IL31RA: variants seen among roughly 807,000 people sequenced by gnomAD.
The protein encoded by IL31RA is interleukin 31 receptor A.
A neutral mutation model predicts 83.7 loss-of-function variants in IL31RA; 66 were observed. That is an observed-to-expected ratio of 0.79 (90% CI 0.65 to 0.97). The LOEUF (loss-of-function observed/expected upper bound fraction) is 0.97. IL31RA is among the 50% of genes least tolerant of loss of function. The pLI is 0.00. For synonymous variants in IL31RA, 325 were observed against 329.0 expected (o/e 0.99, Z 0.13); for missense variants, 798 against 919.4 (o/e 0.87, Z 1.71).
intron 11 of IL31RA, 145 bp downstream of exon 11, chr5:55,908,556 A>G: frequency 1.3e-6 from 2 of 1,568,318 alleles, no homozygotes; most frequent in Non-Finnish European, 1.7e-6. Flanking sequence ...CTCTCTGAAA[A>G]TGGGGCCAAG....
upstream of IL31RA, among the ~76,000 whole-genome samples, chr5:55,847,600 A>C (rs372281267): frequency 1.3e-5 from 2 of 152,200 alleles, no homozygotes; most frequent in East Asian, 1.9e-4. Flanking sequence ...AAAAGTTGCA[A>C]AGATAATGCA....
intron 13 of IL31RA, 54 bp from the exon 14 acceptor site, chr5:55,914,793 G>T (rs574368910): frequency 8.0e-7 from 1 of 1,254,034 alleles, no homozygotes; most frequent in South Asian, 1.2e-5. Flanking sequence ...TCAGCCATAT[G>T]GTGCTAATGC....
At chr5:55,899,363 A>G (rs1351711695) in intron 7 of IL31RA, among the ~76,000 whole-genome samples, 1 of 152,178 alleles carries the variant, frequency 6.6e-6, no homozygotes, top group African/African-American at 2.4e-5. Context: ...TCAGGATTCC[A>G]CCTTAAACTT....
chr5:55,872,056 C>T (rs1204757428), intron 3 of IL31RA, among the ~76,000 whole-genome samples: 1 of 151,936 alleles, frequency 6.6e-6, no homozygotes, highest in Non-Finnish European at 1.5e-5. Flanking sequence ...TTTCATGGCT[C>T]CTAAAGCATC....
Position 55,868,966 on chromosome 5 carries a change from A to G in IL31RA, c.272+58A>G, listed in dbSNP as rs963228756. 3.8e-5 allele frequency: 36 copies of G among 949,876 alleles called. No homozygotes were observed. In the African/African-American group the frequency reaches 5.0e-4, roughly 13 times the overall value. 58.8% of individuals were successfully genotyped at this position (949,876 alleles called of 1,614,324 possible). A position where few individuals can be genotyped will look rare whatever the true frequency, so the allele number is the denominator to read the frequency against. ...GGCATGGGGGAGGCAGAGGCTTCTG[A>G]TTCATTCATGATTCACATCCCATAT... On this transcript the variant is annotated intron_variant, in intron 3 of 14. Coordinates refer to ENST00000652347, the MANE Select transcript of IL31RA (RefSeq NM_139017.7).
chr5:55,920,432 A>T lies in IL31RA; in HGVS notation c.*3312A>T, dbSNP rs1176036428. Reference sequence around the variant, plus strand: ...TATTTAATGGTTGAAAACAAAAAGAATAACATTTTGTGACAAGAAAAGTCC... The same window carrying T: ...TATTTAATGGTTGAAAACAAAAAGATTAACATTTTGTGACAAGAAAAGTCC... On this transcript the variant is annotated 3_prime_UTR_variant, in exon 15 of 15. Transcript: ENST00000652347. 6.6e-6 allele frequency among the ~76,000 whole-genome samples: 1 copy of T among 152,252 alleles called. No individual in the cohort carries two copies. The highest frequency in any genetic ancestry group is 2.4e-5 in the African/African-American group (1 of 41,470).
intron 2 of IL31RA, among the ~76,000 whole-genome samples, chr5:55,865,316 A>ATGCG (rs1404286317): frequency 6.6e-6 from 1 of 152,132 alleles, no homozygotes; most frequent in Non-Finnish European, 1.5e-5. Flanking sequence ...TGCTTGTTGG[A>ATGCG]TGCGTGCTGT....
chr5:55,882,272 T>C (rs963765474), intron 4 of IL31RA, among the ~76,000 whole-genome samples: 2 of 152,196 alleles, frequency 1.3e-5, no homozygotes, highest in Admixed American at 1.3e-4. Context: ...GTCAAAAAAT[T>C]ATGTTCATTC....
rs753294783 is a variant in IL31RA at position 55,851,542 on chromosome 5, A to G, written c.-29A>G. The G allele has an allele frequency of 6.2e-7, 1 of 1,614,060 alleles. No homozygotes were observed. The highest frequency in any genetic ancestry group is 1.1e-5 in the South Asian group (1 of 91,084). ...TATGAAAATTGAGACAGGAAGGCAG[A>G]GTGTCAGCTTGTTCCACCTCAGCTG... On this transcript the variant is annotated 5_prime_UTR_variant, in exon 1 of 15. Transcript: ENST00000652347.
intron 4 of IL31RA, among the ~76,000 whole-genome samples, chr5:55,875,194 C>T (rs1470863068): frequency 1.3e-5 from 2 of 152,064 alleles, no homozygotes; most frequent in African/African-American, 2.4e-5. Context: ...GTTAAACAAA[C>T]CTTGTATTTC....
chr5:55,893,247 C>A lies in IL31RA; in HGVS notation c.773-3103C>A, dbSNP rs371067920. 3.6e-4 allele frequency among the ~76,000 whole-genome samples: 55 copies of A among 152,332 alleles called. No individual in the cohort carries two copies. The South Asian group carries it at 0.011, about 30-fold the overall frequency. On this transcript the variant is annotated intron_variant, in intron 6 of 14. Transcript: ENST00000652347. Reference sequence around the variant, plus strand: ...ATGATATTGAATACCTGCTTAATTTCTCTGTGCTTCAGAAATGATGATTAG... The same window carrying A: ...ATGATATTGAATACCTGCTTAATTTATCTGTGCTTCAGAAATGATGATTAG...
chr5:55,906,007 G>A, intron 8 of IL31RA, 99 bp from the exon 9 acceptor site: 4 of 1,235,646 alleles, frequency 3.2e-6, no homozygotes, highest in Non-Finnish European at 4.8e-6. Flanking sequence ...CTGAACTTTG[G>A]CCTTGTTTTA....
chr5:55,905,042 A>G (rs893759989), intron 8 of IL31RA, among the ~76,000 whole-genome samples: 3 of 151,402 alleles, frequency 2.0e-5, no homozygotes, highest in African/African-American at 7.3e-5. Flanking sequence ...TCTACTAAAA[A>G]TACAAAAAAT....
chr5:55,866,347 A>C (rs1746043366), intron 2 of IL31RA, among the ~76,000 whole-genome samples: 1 of 152,048 alleles, frequency 6.6e-6, no homozygotes, highest in Non-Finnish European at 1.5e-5. Flanking sequence ...CATGGAAGAC[A>C]ATTTTTCCAT....
intron 7 of IL31RA, among the ~76,000 whole-genome samples, chr5:55,897,163 T>C (rs1748455133): frequency 6.9e-6 from 1 of 145,124 alleles, no homozygotes; most frequent in African/African-American, 2.6e-5. Context: ...TTCTTTATAC[T>C]GTTTAAAAGC....
At position 55,882,298 on chromosome 5, in the gene IL31RA, A is replaced by T. The variant is rs566826226; in HGVS notation, c.455-746A>T. ...ATGTTCATTCATAAAGTAGAATATT[A>T]TGAACCTTAAAAATCATGTTTTGAA... On this transcript the variant is annotated intron_variant, in intron 4 of 14. Transcript: ENST00000652347. 3.9e-5 allele frequency among the ~76,000 whole-genome samples: 6 copies of T among 152,370 alleles called. No individual in the cohort carries two copies. The East Asian group carries it at 9.6e-4, about 24-fold the overall frequency.
chr5:55,883,018 G>C, intron 4 of IL31RA, 26 bp from the exon 5 acceptor site: 1 of 1,611,182 alleles, frequency 6.2e-7, no homozygotes, highest in Non-Finnish European at 8.5e-7. Flanking sequence ...TTGCAGATAT[G>C]AGAGTTGTAT....
At chr5:55,858,515 G>A (rs1233263981) in intron 1 of IL31RA, among the ~76,000 whole-genome samples, 1 of 151,896 alleles carries the variant, frequency 6.6e-6, no homozygotes, top group African/African-American at 2.4e-5. Flanking sequence ...GTTCCAATTC[G>A]CTAAGGATTT....
chr5:55,910,505 T>C, intron 11 of IL31RA, 27 bp from the exon 12 acceptor site: 5 of 1,613,852 alleles, frequency 3.1e-6, no homozygotes, highest in Non-Finnish European at 4.2e-6. Flanking sequence ...TTGGCTGTGG[T>C]GTTTGACCTT....
Sources: gnomAD v4.1 joint callset for allele counts (sites outside exome capture counted in the v4.1 genomes callset) on GRCh38, gnomAD v4.1.1 for gene constraint, MANE v1.5 for transcripts, NCBI Gene and HGNC (gene_info 2026-07-23, HGNC 2026-07-21) for gene names.